The following SNX2 variants were observed in gnomAD, a reference collection of about 807,000 sequenced individuals.
SNX2 encodes sorting nexin 2.
SNX2 carries 25 observed loss-of-function variants against 69.9 expected under a neutral mutation model. The observed-to-expected ratio is 0.36, with a 90% confidence interval of 0.26 to 0.50. The LOEUF is 0.50. SNX2 is among the 20% of genes least tolerant of loss of function. The pLI is 0.97. For missense variants in SNX2, 551 were observed against 613.3 expected, an observed-to-expected ratio of 0.90 and a Z score of 1.07; for synonymous variants, 229 against 200.4, an observed-to-expected ratio of 1.14 and a Z score of -1.20.
At chr5:122,813,957 G>A (rs1022184182) in intron 7 of SNX2, among the ~76,000 whole-genome samples, 1 of 151,608 alleles carries the variant, frequency 6.6e-6, no homozygotes. Flanking sequence ...TATTTTTAGT[G>A]GAGATGGGGT....
intron 1 of SNX2, 74 bp from the exon 2 acceptor site, chr5:122,795,192 C>T (rs553596518): frequency 2.7e-5 from 24 of 902,714 alleles, no homozygotes; most frequent in Admixed American, 3.8e-5. Flanking sequence ...TGTTCTATTT[C>T]TGTAGTACAT....
intron 1 of SNX2, among the ~76,000 whole-genome samples, chr5:122,780,594 CAG>C (rs1752958891): frequency 7.5e-6 from 1 of 133,364 alleles, no homozygotes; most frequent in Non-Finnish European, 1.6e-5. Flanking sequence ...TTTTTTGAGA[CAG>C]AGTCTTGCGC....
chr5:122,781,185 C>T (rs566216713), intron 1 of SNX2, among the ~76,000 whole-genome samples: 4 of 152,288 alleles, frequency 2.6e-5, no homozygotes, highest in African/African-American at 9.6e-5. Flanking sequence ...TTAGCCTCTT[C>T]CCAGCCTCTG....
intron 10 of SNX2, among the ~76,000 whole-genome samples, chr5:122,818,201 C>G (rs1753944382): frequency 6.6e-6 from 1 of 152,030 alleles, no homozygotes; most frequent in Non-Finnish European, 1.5e-5. Context: ...AATTGTTAGT[C>G]ATTGACAGTA....
intron 2 of SNX2, 32 bp from the exon 3 acceptor site, chr5:122,799,660 G>A (rs780495335): frequency 8.9e-6 from 14 of 1,577,406 alleles, no homozygotes; most frequent in Non-Finnish European, 8.6e-7. Context: ...GCTTGCCAGT[G>A]TTCTTAACTA....
intron 1 of SNX2, among the ~76,000 whole-genome samples, chr5:122,793,288 A>C (rs746763134): frequency 6.6e-6 from 1 of 152,220 alleles, no homozygotes; most frequent in Admixed American, 6.5e-5. Context: ...TACACTTATG[A>C]TAATGAGTGG....
At chr5:122,798,246 A>G (rs1436146183) in intron 2 of SNX2, among the ~76,000 whole-genome samples, 2 of 152,144 alleles carry the variant, frequency 1.3e-5, no homozygotes, top group Non-Finnish European at 1.5e-5. Context: ...CACAGCCTGA[A>G]TTGCATATAA....
At chr5:122,785,318 A>AT (rs902769453) in intron 1 of SNX2, among the ~76,000 whole-genome samples, 9 of 146,214 alleles carry the variant, frequency 6.2e-5, no homozygotes, top group South Asian at 2.1e-4. Context: ...TTTTATTTTT[A>AT]TTTTTTTTGT....
intron 7 of SNX2, among the ~76,000 whole-genome samples, chr5:122,813,318 A>G (rs1030693053): frequency 6.6e-6 from 1 of 152,066 alleles, no homozygotes; most frequent in African/African-American, 2.4e-5. Flanking sequence ...TATGAGAAAC[A>G]TATATATAAA....
chr5:122,784,076 G>A (rs1437580491), intron 1 of SNX2, among the ~76,000 whole-genome samples: 2 of 151,830 alleles, frequency 1.3e-5, no homozygotes, highest in Admixed American at 1.3e-4. Flanking sequence ...TTGGTTGCAT[G>A]TTGACCCTGT....
At chr5:122,804,214 A>G (rs1236482399) in intron 6 of SNX2, among the ~76,000 whole-genome samples, 1 of 152,160 alleles carries the variant, frequency 6.6e-6, no homozygotes, top group Non-Finnish European at 1.5e-5. Context: ...TTACTGAGTC[A>G]CAATCAGAGA....
chr5:122,818,777 T>TAA (rs1753954629), intron 10 of SNX2, 41 bp from the exon 11 acceptor site: 5 of 1,524,458 alleles, frequency 3.3e-6, no homozygotes, highest in Middle Eastern at 1.8e-4. Context: ...TAAAATTTTA[T>TAA]GAGTGAACAC....
At chr5:122,793,549 T>C (rs921641298) in intron 1 of SNX2, among the ~76,000 whole-genome samples, 7 of 152,226 alleles carry the variant, frequency 4.6e-5, no homozygotes, top group Non-Finnish European at 8.8e-5. Flanking sequence ...TTTTTGAAAC[T>C]ATCTAGCTGT....
At chr5:122,787,340 T>G (rs1308461392) in intron 1 of SNX2, among the ~76,000 whole-genome samples, 1 of 152,012 alleles carries the variant, frequency 6.6e-6, no homozygotes, top group Non-Finnish European at 1.5e-5. Flanking sequence ...GCCAACATGG[T>G]GAAGCCCTGT....
intron 7 of SNX2, among the ~76,000 whole-genome samples, chr5:122,811,851 A>AAATAAATAAATAAATT (rs1753785358): frequency 9.3e-6 from 1 of 107,638 alleles, no homozygotes; most frequent in African/African-American, 3.2e-5. Context: ...ATAAATAAAT[A>AAATAAATAAATAAATT]AATAAATAAA....
At position 122,818,115 on chromosome 5, in the gene SNX2, A is replaced by G. The variant is rs375023082; in HGVS notation, c.1007-703A>G. Among the ~76,000 whole-genome samples, 82 of 152,274 alleles carry G rather than the reference A, an allele frequency of 5.4e-4. No individual in the cohort carries two copies. The Middle Eastern group carries it at 0.017, about 32-fold the overall frequency. The stretch of plus-strand genomic sequence containing the variant: ...TAACAGCTTTTGCCATTTGAATTAT[A>G]TATATCTCTTAGGGAATGGGCTTTT... On this transcript the variant is annotated intron_variant, in intron 10 of 14. Coordinates refer to ENST00000379516, the MANE Select transcript of SNX2 (RefSeq NM_003100.4).
In SNX2 at chr5:122,833,234, T is replaced by C. The variant is rs908601758; in HGVS notation, c.*3586T>C. ...GTAGATAATGGGTCAGACATGGAAATAGCAATAAAAGGGAATTACAACAAG... is the reference window on the plus strand; with the variant it reads ...GTAGATAATGGGTCAGACATGGAAACAGCAATAAAAGGGAATTACAACAAG... On this transcript the variant is annotated 3_prime_UTR_variant, in exon 15 of 15. Transcript: ENST00000379516. The C allele has an allele frequency of 6.6e-6, 1 of 152,130 alleles. No homozygotes were observed. The highest frequency in any genetic ancestry group is 2.4e-5 in the African/African-American group (1 of 41,430). 9.4% of individuals were successfully genotyped at this position (152,130 alleles called of 1,614,324 possible).
intron 1 of SNX2, among the ~76,000 whole-genome samples, chr5:122,778,361 G>A (rs895143140): frequency 1.1e-4 from 17 of 152,058 alleles, no homozygotes; most frequent in Non-Finnish European, 2.4e-4. Context: ...TGAATCATCC[G>A]GTAGTTGTAT....
At chr5:122,802,058 G>A in intron 4 of SNX2, 23 bp from the exon 5 acceptor site, 1 of 1,604,636 alleles carries the variant, frequency 6.2e-7, no homozygotes. Flanking sequence ...GATTTTAATA[G>A]TAGTGTTTGA....
Sources: allele counts gnomAD v4.1 joint callset (sites outside exome capture counted in the v4.1 genomes callset), GRCh38; gene constraint gnomAD v4.1.1; transcripts MANE v1.5; gene names NCBI Gene and HGNC (gene_info 2026-07-23, HGNC 2026-07-21).